FBXL7: variants seen among roughly 807,000 people sequenced by gnomAD.
FBXL7 encodes the protein F-box/LRR-repeat protein 7.
Under a neutral mutation model 38.3 loss-of-function variants are expected in FBXL7, and 12 were observed. The ratio of observed to expected loss-of-function variants is 0.31; its 90% CI spans 0.20 to 0.51. FBXL7 has a LOEUF of 0.51. Among genes scored for constraint, FBXL7 ranks in the 20% least tolerant of loss-of-function variants. The probability of loss-of-function intolerance (pLI) is 0.98; values close to 1 mark genes in which losing one functional copy is unlikely to be tolerated. For missense variants in FBXL7, 567 were observed against 676.4 expected (o/e 0.84, Z 1.79); for synonymous variants, 297 against 300.9 (o/e 0.99, Z 0.13).
intron 2 of FBXL7, among the ~76,000 whole-genome samples, chr5:15,798,977 A>G (rs1737487939): frequency 6.6e-6 from 1 of 152,222 alleles, no homozygotes; most frequent in Non-Finnish European, 1.5e-5. Context: ...GTGCATTGAC[A>G]CAGCCCCCTT....
Position 15,822,598 on chromosome 5 carries a change from G to A in FBXL7, c.128-105292G>A, listed in dbSNP as rs1052647502. Among the ~76,000 whole-genome samples, 9 of 150,828 alleles carry A rather than the reference G, an allele frequency of 6.0e-5. 1 individual carries two copies. The highest frequency in any genetic ancestry group is 3.5e-3 in the Middle Eastern group (1 of 284). On this transcript the variant is annotated intron_variant, in intron 2 of 3. Coordinates refer to ENST00000504595, the MANE Select transcript of FBXL7 (RefSeq NM_012304.5). ...TTCCTCATTTGTCTATTCCTAAACC[G>A]GATGAACATTTGAGCTGGTTGCTCT...
intron 2 of FBXL7, among the ~76,000 whole-genome samples, chr5:15,672,159 T>G (rs1432825775): frequency 6.6e-6 from 1 of 152,166 alleles, no homozygotes; most frequent in African/African-American, 2.4e-5. Flanking sequence ...GAAAAAGCCA[T>G]GGCACTTACT....
chr5:15,546,364 C>T (rs866904938), intron 1 of FBXL7, among the ~76,000 whole-genome samples: 21 of 151,312 alleles, frequency 1.4e-4, no homozygotes, highest in Admixed American at 2.0e-4. Flanking sequence ...GTCAGGAGTT[C>T]GACACCAGCC....
intron 2 of FBXL7, among the ~76,000 whole-genome samples, chr5:15,866,256 C>A (rs1739704564): frequency 6.6e-6 from 1 of 152,156 alleles, no homozygotes. Context: ...CAGGAATGAG[C>A]CTTGCAACTG....
chr5:15,893,698 C>G (rs766833664), intron 2 of FBXL7, among the ~76,000 whole-genome samples: 1 of 152,060 alleles, frequency 6.6e-6, no homozygotes, highest in Non-Finnish European at 1.5e-5. Flanking sequence ...AATTAGTCAC[C>G]TGGTTGAAAC....
At chr5:15,772,336 G>A (rs1300629291) in intron 2 of FBXL7, among the ~76,000 whole-genome samples, 1 of 152,178 alleles carries the variant, frequency 6.6e-6, no homozygotes, top group Non-Finnish European at 1.5e-5. Context: ...TGATGTGTCA[G>A]CAAGAAAGGT....
At chr5:15,766,509 G>A (rs958909050) in intron 2 of FBXL7, among the ~76,000 whole-genome samples, 2 of 152,192 alleles carry the variant, frequency 1.3e-5, no homozygotes, top group African/African-American at 2.4e-5. Flanking sequence ...TCACCACAAG[G>A]CAGAGGGAGT....
At chr5:15,853,798 A>G (rs1739172604) in intron 2 of FBXL7, among the ~76,000 whole-genome samples, 1 of 152,198 alleles carries the variant, frequency 6.6e-6, no homozygotes, top group Non-Finnish European at 1.5e-5. Context: ...TGTGACCAGG[A>G]ATATGAATTT....
chr5:15,705,104 A>G (rs964011325), intron 2 of FBXL7, among the ~76,000 whole-genome samples: 2 of 152,202 alleles, frequency 1.3e-5, no homozygotes, highest in African/African-American at 2.4e-5. Flanking sequence ...TCTATGATTT[A>G]AAGGAGCAAT....
chr5:15,879,008 T>G (rs1023928462), intron 2 of FBXL7, among the ~76,000 whole-genome samples: 20 of 152,228 alleles, frequency 1.3e-4, no homozygotes, highest in Non-Finnish European at 1.5e-5. Flanking sequence ...ATCAGTTGCA[T>G]CAGTTGCTCT....
At chr5:15,921,325 G>A (rs150009797) in intron 2 of FBXL7, among the ~76,000 whole-genome samples, 2,293 of 149,038 alleles carry the variant, frequency 0.015, 22 homozygotes, top group Non-Finnish European at 0.024. Flanking sequence ...AGGTTGCAGT[G>A]AGCTGAGATG....
In FBXL7 at chr5:15,779,610, G is replaced by A. The variant is rs534337878; in HGVS notation, c.128-148280G>A. On this transcript the variant is annotated intron_variant, in intron 2 of 3. Coordinates refer to ENST00000504595, the MANE Select transcript of FBXL7 (RefSeq NM_012304.5). ...CAGTCATTGGTTTCCATGCCTTTCC[G>A]AGTTCTAAGGAAAATCAGCCGTGGC... Among the ~76,000 whole-genome samples, 68 of 152,078 alleles carry A rather than the reference G, an allele frequency of 4.5e-4. 1 individual carries two copies. Among genetic ancestry groups the A allele is most frequent in the African/African-American group, 1.6e-3 (67 of 41,508 alleles).
At chr5:15,580,666 A>C (rs1236063969) in intron 1 of FBXL7, 1 of 985,318 alleles carries the variant, frequency 1.0e-6, no homozygotes, top group Non-Finnish European at 1.2e-6. Context: ...AGGCAACATG[A>C]AAATTAACCT....
intron 1 of FBXL7, among the ~76,000 whole-genome samples, chr5:15,614,723 A>G (rs1314486558): frequency 6.6e-6 from 1 of 152,168 alleles, no homozygotes; most frequent in East Asian, 1.9e-4. Context: ...CAATGAAGGC[A>G]TTGGCCAGGG....
chr5:15,756,782 T>G (rs1399297069), intron 2 of FBXL7, among the ~76,000 whole-genome samples: 1 of 152,172 alleles, frequency 6.6e-6, no homozygotes, highest in Non-Finnish European at 1.5e-5. Context: ...GTCTGCTTTG[T>G]CCTCCTTCTC....
In FBXL7 at chr5:15,859,280, C is replaced by T. The variant is rs898952411; in HGVS notation, c.128-68610C>T. On this transcript the variant is annotated intron_variant, in intron 2 of 3. Transcript: ENST00000504595. ...CCTTCCAGTGACACAATAAGATAAG[C>T]ATGATTACCCCAGTTGAGATAAGCA... is the stretch of plus-strand genomic sequence containing the variant. 2.0e-5 allele frequency among the ~76,000 whole-genome samples: 3 copies of T among 152,150 alleles called. No homozygotes were observed. In the South Asian group the frequency reaches 6.2e-4, roughly 32 times the overall value.
chr5:15,534,977 C>T (rs1194998823), intron 1 of FBXL7, among the ~76,000 whole-genome samples: 1 of 152,216 alleles, frequency 6.6e-6, no homozygotes, highest in African/African-American at 2.4e-5. Flanking sequence ...GGTAGTTTCA[C>T]TCATGCTGTT....
At chr5:15,729,235 A>C (rs1305752071) in intron 2 of FBXL7, among the ~76,000 whole-genome samples, 1 of 152,250 alleles carries the variant, frequency 6.6e-6, no homozygotes, top group South Asian at 2.1e-4. Flanking sequence ...CCGTGCCTTC[A>C]TATATTTGGG....
chr5:15,853,454 G>C (rs1464592401), intron 2 of FBXL7, among the ~76,000 whole-genome samples: 1 of 152,120 alleles, frequency 6.6e-6, no homozygotes, highest in Non-Finnish European at 1.5e-5. Flanking sequence ...CGAGTTGAGA[G>C]ATGGTACTTG....
Sources: gnomAD v4.1 joint callset for allele counts (sites outside exome capture counted in the v4.1 genomes callset) on GRCh38, gnomAD v4.1.1 for gene constraint, MANE v1.5 for transcripts, NCBI Gene and HGNC (gene_info 2026-07-23, HGNC 2026-07-21) for gene names.